Variants in PSG2 observed in about 807,000 individuals in gnomAD.
PSG2 encodes pregnancy-specific beta-1-glycoprotein 2.
Under a neutral mutation model 36.2 loss-of-function variants are expected in PSG2, and 49 were observed. The observed-to-expected ratio is 1.35, with a 90% CI of 1.08 to 1.72. The LOEUF (loss-of-function observed/expected upper bound fraction) is 1.72. Among genes scored for constraint, PSG2 ranks in the 40% most tolerant of loss-of-function variants. The pLI is 0.00. For synonymous variants in PSG2, 261 were observed against 155.6 expected (o/e 1.68, Z -5.04); for missense variants, 605 against 407.2 (o/e 1.49, Z -4.18).
intron 5 of PSG2, 67 bp from the exon 6 acceptor site, chr19:43,064,668 G>A (rs191787876): frequency 2.0e-5 from 11 of 546,936 alleles, no homozygotes; most frequent in Admixed American, 1.4e-4. Context: ...CAAAGCAACT[G>A]TCTGGGAATG....
At chr19:43,078,820 A>G (rs1967932294) in intron 2 of PSG2, among the ~76,000 whole-genome samples, 2 of 151,612 alleles carry the variant, frequency 1.3e-5, no homozygotes, top group South Asian at 4.1e-4. Context: ...GGCCAGAAGA[A>G]CTTGTCTGAC....
Position 43,067,083 on chromosome 19 carries a change from G to A in PSG2, c.965-483C>T, listed in dbSNP as rs1204058976. ...ACAGGCTCCCAGCAAGGGTGTGAAAGCAAGCCTAGTTCTCCGAGGCTCTCT... is the reference window on the plus strand; with the variant it reads ...ACAGGCTCCCAGCAAGGGTGTGAAAACAAGCCTAGTTCTCCGAGGCTCTCT... On this transcript the variant is annotated intron_variant, in intron 4 of 5. Coordinates refer to ENST00000406487, the MANE Select transcript of PSG2 (RefSeq NM_031246.4). 2.0e-5 allele frequency among the ~76,000 whole-genome samples: 3 copies of A among 151,520 alleles called. 1 individual carries two copies. Among genetic ancestry groups the A allele is most frequent in the South Asian group, 2.1e-4 (1 of 4,792 alleles).
intron 4 of PSG2, among the ~76,000 whole-genome samples, chr19:43,068,287 C>G (rs1967768892): frequency 6.6e-6 from 1 of 150,664 alleles, no homozygotes; most frequent in Non-Finnish European, 1.5e-5. Context: ...AATAAAAAAC[C>G]AATTAGCTGG....
intron 3 of PSG2, chr19:43,072,476 C>T (rs1967833673): frequency 1.7e-5 from 28 of 1,611,284 alleles, no homozygotes; most frequent in Admixed American, 3.3e-5. Context: ...TTCAATGGGT[C>T]GCTTTACCCT....
intron 2 of PSG2, among the ~76,000 whole-genome samples, chr19:43,079,967 T>C (rs1026050242): frequency 2.0e-5 from 3 of 151,764 alleles, no homozygotes; most frequent in Non-Finnish European, 4.4e-5. Flanking sequence ...CAGTTTTCTC[T>C]CAATCAAATA....
At chr19:43,076,406 G>C (rs534142077) in intron 2 of PSG2, among the ~76,000 whole-genome samples, 1 of 151,792 alleles carries the variant, frequency 6.6e-6, no homozygotes, top group Non-Finnish European at 1.5e-5. Context: ...AGGTGAGGAC[G>C]ATGTGGACCT....
chr19:43,067,869 T>C (rs1967762808), intron 4 of PSG2, among the ~76,000 whole-genome samples: 1 of 151,274 alleles, frequency 6.6e-6, no homozygotes, highest in African/African-American at 2.5e-5. Context: ...TTTATAACTG[T>C]AAACTCTTAC....
Position 43,080,889 on chromosome 19 carries a change from G to T in PSG2, c.422C>A (p.Thr141Asn), listed in dbSNP as rs576799689. The T allele has an allele frequency of 1.2e-6, 2 of 1,612,318 alleles. No individual in the cohort carries two copies. The highest frequency in any genetic ancestry group is 1.7e-6 in the Non-Finnish European group (2 of 1,179,272). ...TRGVTGYFTF[T>N]LYLETPKPSI... ...CATGTGGAATCACTTACGGTATAAG[G>T]TGAAGGTGAAATATCCAGTTACTCC... The change falls in exon 2 of 6, where the codon ACC becomes AAC. Residue 141 changes from threonine (T) to asparagine (N), a missense_variant. Transcript: ENST00000406487.
At chr19:43,081,349 A>G in intron 1 of PSG2, 103 bp from the exon 2 acceptor site, 2 of 1,213,546 alleles carry the variant, frequency 1.6e-6, no homozygotes, top group Non-Finnish European at 2.2e-6. Context: ...TCAGCCTTGA[A>G]GACACACACA....
intron 4 of PSG2, among the ~76,000 whole-genome samples, chr19:43,067,983 AGGATTAGAGT>A (rs1967764347): frequency 6.6e-6 from 1 of 151,512 alleles, no homozygotes; most frequent in African/African-American, 2.4e-5. Context: ...GGAAATAATA[AGGATTAGAGT>A]GGACATAAAT....
chr19:43,071,674 T>C (rs764182631), intron 4 of PSG2, 26 bp downstream of exon 4: 2 of 1,612,764 alleles, frequency 1.2e-6, no homozygotes, highest in East Asian at 4.5e-5. Context: ...AAAACCCTAC[T>C]GCCAAGGATG....
At chr19:43,069,312 A>G (rs536019816) in intron 4 of PSG2, among the ~76,000 whole-genome samples, 1 of 151,772 alleles carries the variant, frequency 6.6e-6, no homozygotes, top group Non-Finnish European at 1.5e-5. Context: ...ATTCAATACA[A>G]TTCCTATCAA....
chr19:43,070,769 T>C (rs1466167426), intron 4 of PSG2, among the ~76,000 whole-genome samples: 12 of 151,792 alleles, frequency 7.9e-5, no homozygotes, highest in Non-Finnish European at 1.6e-4. Context: ...TGGAAATGGA[T>C]AGTGTGATGG....
At chr19:43,071,392 G>C (rs1967813874) in intron 4 of PSG2, among the ~76,000 whole-genome samples, 1 of 151,634 alleles carries the variant, frequency 6.6e-6, no homozygotes, top group Non-Finnish European at 1.5e-5. Flanking sequence ...ACATCCAGAA[G>C]CAACTTGATC....
At chr19:43,073,714 T>C (rs542216515) in intron 3 of PSG2, among the ~76,000 whole-genome samples, 1 of 151,752 alleles carries the variant, frequency 6.6e-6, no homozygotes, top group African/African-American at 2.4e-5. Context: ...GTGTGCAGTT[T>C]CAGTTATGCA....
At chr19:43,066,886 G>A (rs1967747482) in intron 4 of PSG2, among the ~76,000 whole-genome samples, 1 of 151,182 alleles carries the variant, frequency 6.6e-6, no homozygotes, top group Non-Finnish European at 1.5e-5. Flanking sequence ...TATGTCATTA[G>A]AACTTGCCAC....
Position 43,066,401 on chromosome 19 carries a change from G to A in PSG2, c.*40+116C>T, listed in dbSNP as rs187262937. 43 of 786,992 alleles carry A rather than the reference G, an allele frequency of 5.5e-5. 1 individual carries two copies. In the African/African-American group the frequency reaches 5.9e-4, roughly 11 times the overall value. The allele number at this position is 786,992 out of a possible 1,614,324, so 48.8% of individuals were successfully genotyped here. ...CAGGAATTAGTGCTGAGAAGCAGGA[G>A]TTTAGTGGAGGAAGGAGGAGATGCA... On this transcript the variant is annotated intron_variant, in intron 5 of 5. Transcript: ENST00000406487.
At chr19:43,074,297 T>C (rs144494943) in intron 3 of PSG2, among the ~76,000 whole-genome samples, 1,761 of 151,776 alleles carry the variant, frequency 0.012, 26 homozygotes, top group Middle Eastern at 0.024. Context: ...GTATTGTCTT[T>C]CTAACAATAT....
chr19:43,065,587 A>G (rs1037205631), intron 5 of PSG2: 3 of 151,640 alleles, frequency 2.0e-5, no homozygotes, highest in African/African-American at 7.3e-5. Flanking sequence ...ATTTCCCATC[A>G]GATTTCTCTG....
Sources: gnomAD v4.1 joint callset for allele counts (sites outside exome capture counted in the v4.1 genomes callset) on GRCh38, gnomAD v4.1.1 for gene constraint, MANE v1.5 for transcripts, NCBI Gene and HGNC (gene_info 2026-07-23, HGNC 2026-07-21) for gene names.